The following HORMAD2 variants were observed in gnomAD, a reference collection of about 807,000 sequenced individuals.
HORMAD2 encodes the protein HORMA domain containing 2, also known as HORMA domain-containing protein 2.
Under a neutral mutation model 38.8 loss-of-function variants are expected in HORMAD2, and 45 were observed. The ratio of observed to expected loss-of-function variants is 1.16; its 90% CI spans 0.91 to 1.49. The LOEUF is 1.49. Among genes scored for constraint, HORMAD2 ranks in the 40% most tolerant of loss-of-function variants. The pLI is 0.00. For missense variants in HORMAD2, 338 were observed against 367.0 expected, an observed-to-expected ratio of 0.92 and a Z score of 0.65; for synonymous variants, 126 against 122.8, an observed-to-expected ratio of 1.03 and a Z score of -0.17.
chr22:30,164,245 C>T (rs752814201), intron 10 of HORMAD2, among the ~76,000 whole-genome samples: 2 of 152,124 alleles, frequency 1.3e-5, no homozygotes, highest in African/African-American at 2.4e-5. Context: ...TTGTGAATAA[C>T]GCTGCTATGA....
intron 10 of HORMAD2, chr22:30,137,349 C>T (rs182698241): frequency 2.8e-5 from 14 of 501,270 alleles, no homozygotes; most frequent in African/African-American, 2.5e-4. Context: ...TTATACTGAA[C>T]ATAGCAGGTG....
At chr22:30,132,067 A>G (rs1428853806) in intron 10 of HORMAD2, among the ~76,000 whole-genome samples, 1 of 152,216 alleles carries the variant, frequency 6.6e-6, no homozygotes, top group African/African-American at 2.4e-5. Context: ...GAGCCTTTTC[A>G]TTCAAAACCT....
At chr22:30,137,073 T>C (rs1000035383) in intron 10 of HORMAD2, 10 of 379,106 alleles carry the variant, frequency 2.6e-5, no homozygotes, top group African/African-American at 1.5e-4. Context: ...TAAATAATCA[T>C]TGATAGTCTT....
At chr22:30,089,281 A>G (rs185905493) in intron 1 of HORMAD2, among the ~76,000 whole-genome samples, 8 of 152,288 alleles carry the variant, frequency 5.3e-5, no homozygotes, top group Non-Finnish European at 1.0e-4. Flanking sequence ...AGAACTTCAT[A>G]AAACCTTGAA....
At position 30,176,082 on chromosome 22, in the gene HORMAD2, T is replaced by C; in HGVS notation, c.839T>C (p.Val280Ala). Residue 280 changes from valine (V) to alanine (A), a missense_variant, in exon 11 of 11, where the codon GTG becomes GCG. Val to Ala is a moderately conservative substitution (Grantham distance 64, BLOSUM62 0). Coordinates refer to ENST00000336726, the MANE Select transcript of HORMAD2 (RefSeq NM_152510.4). ...TCACAGATTCAAAGAATGAATTTTGTGTGCAGTCAGCAAAGTTCTGAGTGC... is the reference window on the plus strand; with the variant it reads ...TCACAGATTCAAAGAATGAATTTTGCGTGCAGTCAGCAAAGTTCTGAGTGC... The part of the protein sequence containing the change: ...CNDHIQRMNF[V>A]CSQQSSECSR... 6.2e-7 allele frequency: 1 copy of C among 1,612,506 alleles called. No individual in the cohort carries two copies.
At chr22:30,197,289 T>A in the HORMAD2 span, among the ~76,000 whole-genome samples, 1 of 152,068 alleles carries the variant, frequency 6.6e-6, no homozygotes, top group African/African-American at 2.4e-5. Context: ...AATCTTATGA[T>A]GCTTTTCTTC....
the HORMAD2 span, among the ~76,000 whole-genome samples, chr22:30,187,373 C>T: frequency 2.6e-5 from 4 of 152,198 alleles, no homozygotes; most frequent in Non-Finnish European, 4.4e-5. Context: ...GGCAGTCTGA[C>T]TCCAAAGTCT....
At chr22:30,103,384 C>A in intron 3 of HORMAD2, 53 bp from the exon 4 acceptor site, 1 of 963,718 alleles carries the variant, frequency 1.0e-6, no homozygotes, top group Non-Finnish European at 1.6e-6. Flanking sequence ...TGGACAATTT[C>A]AGTACAGCAG....
intron 10 of HORMAD2, among the ~76,000 whole-genome samples, chr22:30,133,096 AT>A (rs933442881): frequency 1.3e-5 from 2 of 152,140 alleles, no homozygotes; most frequent in Admixed American, 6.6e-5. Context: ...TTAAACTCAG[AT>A]TTTTTTCAAA....
At position 30,122,053 on chromosome 22, in the gene HORMAD2, G is replaced by C; in HGVS notation, c.658G>C (p.Val220Leu). The C allele has an allele frequency of 1.2e-6, 2 of 1,613,620 alleles. No homozygotes were observed. The highest frequency in any genetic ancestry group is 8.5e-7 in the Non-Finnish European group (1 of 1,179,738). The change falls in exon 10 of 11, where the codon GTG becomes CTG. Residue 220 changes from valine (V) to leucine (L), a missense_variant. By Grantham distance (32) the Val-to-Leu change is conservative. Coordinates refer to ENST00000336726, the MANE Select transcript of HORMAD2 (RefSeq NM_152510.4). ...TGACAAGGAGCCTATCAACGTGCAA[G>C]TGGGATTTGTCTCCACTGGCTTTCA... is the stretch of plus-strand genomic sequence containing the variant. ...LFDKEPINVQ[V>L]GFVSTGFHSM...
chr22:30,202,360 T>C, the HORMAD2 span, among the ~76,000 whole-genome samples: 1 of 150,158 alleles, frequency 6.7e-6, no homozygotes, highest in Non-Finnish European at 1.5e-5. Flanking sequence ...TAAATGAAAG[T>C]GGGGGTTTGG....
intron 10 of HORMAD2, among the ~76,000 whole-genome samples, chr22:30,123,265 T>C (rs1433209721): frequency 2.0e-5 from 3 of 152,172 alleles, no homozygotes; most frequent in African/African-American, 7.2e-5. Flanking sequence ...CCAAGGAAGA[T>C]ATAGCTAACA....
chr22:30,152,742 C>T (rs190004685), intron 10 of HORMAD2, among the ~76,000 whole-genome samples: 9 of 152,234 alleles, frequency 5.9e-5, no homozygotes, highest in Admixed American at 3.3e-4. Context: ...ATCCACTTCC[C>T]TCTTTTGCTT....
chr22:30,149,793 C>G (rs1428124304), intron 10 of HORMAD2, among the ~76,000 whole-genome samples: 1 of 152,152 alleles, frequency 6.6e-6, no homozygotes, highest in Admixed American at 6.5e-5. Context: ...AAAATATCAT[C>G]CATCTATTCT....
At chr22:30,168,479 C>A (rs1480354798) in intron 10 of HORMAD2, among the ~76,000 whole-genome samples, 1 of 152,100 alleles carries the variant, frequency 6.6e-6, no homozygotes, top group Non-Finnish European at 1.5e-5. Flanking sequence ...CATTTGGATA[C>A]CTCATTCCAA....
chr22:30,205,891 A>G, the HORMAD2 span, among the ~76,000 whole-genome samples: 1 of 152,106 alleles, frequency 6.6e-6, no homozygotes, highest in Non-Finnish European at 1.5e-5. Flanking sequence ...GAAATCCCAA[A>G]GCAGGGCAGG....
intron 10 of HORMAD2, among the ~76,000 whole-genome samples, chr22:30,145,483 G>A (rs1924358408): frequency 6.6e-6 from 1 of 152,096 alleles, no homozygotes; most frequent in African/African-American, 2.4e-5. Flanking sequence ...ATATAATGAA[G>A]AGAAAAATGG....
At chr22:30,087,256 G>T (rs2068586395) in intron 1 of HORMAD2, among the ~76,000 whole-genome samples, 1 of 152,194 alleles carries the variant, frequency 6.6e-6, no homozygotes, top group Admixed American at 6.5e-5. Flanking sequence ...GGTATGTGAT[G>T]ATGTCATTCA....
At chr22:30,135,962 G>A (rs1027039033) in intron 10 of HORMAD2, among the ~76,000 whole-genome samples, 1 of 152,212 alleles carries the variant, frequency 6.6e-6, no homozygotes, top group African/African-American at 2.4e-5. Context: ...AGGGACACCA[G>A]TCAGTAGAGG....
Sources: gnomAD v4.1 joint callset for allele counts (sites outside exome capture counted in the v4.1 genomes callset) on GRCh38, gnomAD v4.1.1 for gene constraint, MANE v1.5 for transcripts, NCBI Gene and HGNC (gene_info 2026-07-23, HGNC 2026-07-21) for gene names.